SKA2: variants seen among roughly 807,000 people sequenced by gnomAD.
SKA2 encodes spindle and kinetochore-associated protein 2.
In SKA2, 13 loss-of-function variants were observed where a neutral mutation model predicts 16.9. That is an observed-to-expected ratio of 0.77 (90% confidence interval 0.50 to 1.22). The LOEUF (loss-of-function observed/expected upper bound fraction) is 1.22. Among genes scored for constraint, SKA2 ranks in the 50% most tolerant of loss-of-function variants. The pLI, the probability that SKA2 is intolerant of heterozygous loss-of-function variation, is 0.00. For missense variants in SKA2, 107 were observed against 139.7 expected (o/e 0.77, Z 1.18); for synonymous variants, 47 against 48.5 (o/e 0.97, Z 0.13).
In SKA2 at chr17:59,111,887, C is replaced by T. The variant is rs547810781; in HGVS notation, c.*390G>A. 1 of 168,888 alleles carries T rather than the reference C, an allele frequency of 5.9e-6. No individual in the cohort carries two copies. Among genetic ancestry groups the T allele is most frequent in the South Asian group, 1.8e-4 (1 of 5,478 alleles). The allele number at this position is 168,888 out of a possible 1,614,324, so 10.5% of individuals were successfully genotyped here. A position where few individuals can be genotyped will look rare whatever the true frequency, so the allele number is the denominator to read the frequency against. Reference sequence around the variant, plus strand: ...GCCTATACTTTAATTTACAAAGCCACATACCGAATGACTGAAATGTACATA... The same window carrying T: ...GCCTATACTTTAATTTACAAAGCCATATACCGAATGACTGAAATGTACATA... On this transcript the variant is annotated 3_prime_UTR_variant, in exon 4 of 4. Coordinates refer to ENST00000330137, the MANE Select transcript of SKA2 (RefSeq NM_182620.4).
intron 1 of SKA2, among the ~76,000 whole-genome samples, chr17:59,135,402 C>T (rs1370623498): frequency 6.6e-6 from 1 of 150,468 alleles, no homozygotes; most frequent in Non-Finnish European, 1.5e-5. Flanking sequence ...CTGCACCCTC[C>T]ACCTCCCGGG....
At position 59,112,335 on chromosome 17, in the gene SKA2, A is replaced by G. The variant is rs542480699; in HGVS notation, c.308T>C (p.Leu103Pro). The change falls in exon 4 of 4, where the codon CTG becomes CCG. Residue 103 changes from leucine to proline, a missense_variant. By Grantham distance (98) the Leu-to-Pro change is moderately conservative (BLOSUM62 -3). Transcript: ENST00000330137. The stretch of plus-strand genomic sequence containing the variant: ...TGCCGCAGTTTTCTCTTCTTTAGTC[A>G]GTGGTGACAGCTAGAAAATAAATGA... ...QKQTDLELSP[L>P]TKEEKTAAEQ... is the part of the protein sequence containing the mutation. 2 of 1,608,584 alleles carry G rather than the reference A, an allele frequency of 1.2e-6. No homozygotes were observed. Among genetic ancestry groups the G allele is most frequent in the South Asian group, 2.2e-5 (2 of 90,082 alleles).
At chr17:59,129,298 G>C (rs2046393361) in intron 2 of SKA2, 1 of 151,818 alleles carries the variant, frequency 6.6e-6, no homozygotes, top group Admixed American at 6.6e-5. Flanking sequence ...GAAGTGAGCT[G>C]AGATTTTGTT....
rs182024361 is a variant in SKA2, at chr17:59,119,899, T to A, written c.121-404A>T. The stretch of plus-strand genomic sequence containing the variant: ...TTCTTAAAGAATAAGAACTTGAAAC[T>A]ACTTATAAAAATCTTTTTTTTTTTT... On this transcript the variant is annotated intron_variant, in intron 2 of 3. Coordinates refer to ENST00000330137, the MANE Select transcript of SKA2 (RefSeq NM_182620.4). Among the ~76,000 whole-genome samples the A allele has an allele frequency of 3.0e-3, 452 of 152,082 alleles. 4 individuals are homozygous for A. Among genetic ancestry groups the A allele is most frequent in the East Asian group, 2.3e-3 (12 of 5,184 alleles).
intron 3 of SKA2, among the ~76,000 whole-genome samples, chr17:59,115,149 G>T (rs1255210828): frequency 2.7e-5 from 4 of 149,474 alleles, no homozygotes; most frequent in Non-Finnish European, 5.9e-5. Flanking sequence ...CGCCTCCCAG[G>T]TTCAGGAGAT....
chr17:59,122,393 T>C (rs1157127162), intron 2 of SKA2, among the ~76,000 whole-genome samples: 1 of 152,062 alleles, frequency 6.6e-6, no homozygotes, highest in Non-Finnish European at 1.5e-5. Context: ...GGCAGATCAC[T>C]TGAGGTCAGG....
At chr17:59,125,474 G>C (rs1220992826) in intron 2 of SKA2, among the ~76,000 whole-genome samples, 2 of 151,164 alleles carry the variant, frequency 1.3e-5, no homozygotes, top group Non-Finnish European at 2.9e-5. Flanking sequence ...GCCAAGACTG[G>C]TGGATCACCT....
chr17:59,121,015 T>C (rs1177209927), intron 2 of SKA2, among the ~76,000 whole-genome samples: 1 of 151,524 alleles, frequency 6.6e-6, no homozygotes, highest in Non-Finnish European at 1.5e-5. Context: ...AGCTGGGCAT[T>C]GTGGCGGGCA....
chr17:59,137,703 C>A, intron 1 of SKA2: 1 of 491,220 alleles, frequency 2.0e-6, no homozygotes, highest in South Asian at 1.7e-5. Flanking sequence ...AATCTAGTTC[C>A]TTGTTTTCTT....
intron 2 of SKA2, among the ~76,000 whole-genome samples, chr17:59,120,013 A>G (rs566215637): frequency 1.3e-5 from 2 of 151,208 alleles, no homozygotes; most frequent in South Asian, 2.1e-4. Flanking sequence ...GGTTCATGCC[A>G]TTCTCCTGCC....
At chr17:59,127,016 CAA>C (rs932473157) in intron 2 of SKA2, among the ~76,000 whole-genome samples, 1 of 152,088 alleles carries the variant, frequency 6.6e-6, no homozygotes, top group African/African-American at 2.4e-5. Context: ...CACAAAAAGA[CAA>C]ATATTATATG....
At chr17:59,152,497 G>T (rs866670627) in intron 1 of SKA2, among the ~76,000 whole-genome samples, 9 of 151,970 alleles carry the variant, frequency 5.9e-5, no homozygotes, top group African/African-American at 1.5e-4. Flanking sequence ...TTAACTTTCT[G>T]AATTGGAAGT....
At chr17:59,150,546 C>T (rs376115513) in intron 1 of SKA2, among the ~76,000 whole-genome samples, 1 of 151,992 alleles carries the variant, frequency 6.6e-6, no homozygotes, top group Admixed American at 6.6e-5. Context: ...AGACCAACCT[C>T]GGCAACACAG....
intron 1 of SKA2, among the ~76,000 whole-genome samples, chr17:59,144,577 G>A (rs1169582711): frequency 2.6e-5 from 4 of 152,130 alleles, no homozygotes; most frequent in Non-Finnish European, 5.9e-5. Context: ...ATCTTATTCC[G>A]CCTTAAAAAA....
At chr17:59,144,478 T>A (rs2046516927) in intron 1 of SKA2, among the ~76,000 whole-genome samples, 1 of 152,194 alleles carries the variant, frequency 6.6e-6, no homozygotes, top group Non-Finnish European at 1.5e-5. Context: ...CATAGCAGCA[T>A]TATTCACAAT....
At chr17:59,116,488 A>G (rs758549775) in intron 3 of SKA2, among the ~76,000 whole-genome samples, 3 of 152,114 alleles carry the variant, frequency 2.0e-5, no homozygotes, top group Non-Finnish European at 4.4e-5. Context: ...TGAAATTAGT[A>G]TGTATTCCCT....
chr17:59,153,013 T>C (rs1279698377), intron 1 of SKA2, among the ~76,000 whole-genome samples: 6 of 152,218 alleles, frequency 3.9e-5, no homozygotes, highest in African/African-American at 1.4e-4. Flanking sequence ...CTTATAATTT[T>C]CTAAAACCTA....
At chr17:59,146,489 ACT>A (rs1217814357) in intron 1 of SKA2, among the ~76,000 whole-genome samples, 1 of 152,128 alleles carries the variant, frequency 6.6e-6, no homozygotes, top group East Asian at 1.9e-4. Flanking sequence ...ACAGAGTGAG[ACT>A]CTGTCTCAAA....
At chr17:59,113,138 A>G (rs2046274452) in intron 3 of SKA2, among the ~76,000 whole-genome samples, 1 of 150,702 alleles carries the variant, frequency 6.6e-6, no homozygotes, top group African/African-American at 2.4e-5. Context: ...TGGGAGGATC[A>G]CTTGAGCCTG....
Sources: gnomAD v4.1 joint callset for allele counts (sites outside exome capture counted in the v4.1 genomes callset) on GRCh38, gnomAD v4.1.1 for gene constraint, MANE v1.5 for transcripts, NCBI Gene and HGNC (gene_info 2026-07-23, HGNC 2026-07-21) for gene names.